TMEM117: variants seen among roughly 807,000 people sequenced by gnomAD.
TMEM117 encodes transmembrane protein 117.
In TMEM117, 27 loss-of-function variants were observed where a neutral mutation model predicts 52.4. That is an observed-to-expected ratio of 0.51 (90% CI 0.38 to 0.71). The LOEUF (loss-of-function observed/expected upper bound fraction) is 0.71, where lower values mean the gene tolerates loss of function less well. TMEM117 is among the 30% of genes least tolerant of loss of function. The pLI is 0.00. For synonymous variants in TMEM117, 215 were observed against 206.3 expected, an observed-to-expected ratio of 1.04 and a Z score of -0.36; for missense variants, 556 against 630.5, an observed-to-expected ratio of 0.88 and a Z score of 1.26.
chr12:44,280,684 A>C (rs1950566514), intron 5 of TMEM117, among the ~76,000 whole-genome samples: 1 of 152,052 alleles, frequency 6.6e-6, no homozygotes, highest in African/African-American at 2.4e-5. Flanking sequence ...TGTCTTTATC[A>C]TGGTGGTTGC....
intron 4 of TMEM117, among the ~76,000 whole-genome samples, chr12:44,182,109 G>T (rs368883248): frequency 0.012 from 1,871 of 152,100 alleles, 26 homozygotes; most frequent in South Asian, 0.061. Flanking sequence ...TTATTCTCTT[G>T]GAAGCAATTG....
chr12:44,095,426 G>A (rs1197652224), intron 3 of TMEM117, among the ~76,000 whole-genome samples: 4 of 152,038 alleles, frequency 2.6e-5, no homozygotes, highest in African/African-American at 9.7e-5. Flanking sequence ...GATTTGAATA[G>A]AAATCTAAAT....
chr12:44,121,775 C>T (rs568105734), intron 3 of TMEM117, among the ~76,000 whole-genome samples: 107 of 152,136 alleles, frequency 7.0e-4, no homozygotes, highest in Admixed American at 2.0e-3. Context: ...TGTGTTGTGG[C>T]AGTTTGGTGT....
At chr12:44,211,813 T>C (rs1175512188) in intron 5 of TMEM117, among the ~76,000 whole-genome samples, 1 of 152,216 alleles carries the variant, frequency 6.6e-6, no homozygotes, top group Non-Finnish European at 1.5e-5. Context: ...GCATTTCTTC[T>C]TTATGTAGTT....
At chr12:44,096,917 G>A (rs1418163873) in intron 3 of TMEM117, among the ~76,000 whole-genome samples, 4 of 151,630 alleles carry the variant, frequency 2.6e-5, no homozygotes, top group African/African-American at 9.7e-5. Flanking sequence ...TACCATCAGA[G>A]TGAACAGGCA....
At chr12:43,805,809 G>A in the TMEM117 span, 2 of 1,367,368 alleles carry the variant, frequency 1.5e-6, no homozygotes, top group South Asian at 2.3e-5. Context: ...TTCTCCTTTG[G>A]ACCATGAAAA....
intron 2 of TMEM117, among the ~76,000 whole-genome samples, chr12:43,940,547 C>CT (rs200692140): frequency 0.011 from 1,636 of 147,376 alleles, 25 homozygotes; most frequent in East Asian, 0.042. Context: ...TTTATATACA[C>CT]TTTTTTTTTT....
At chr12:44,081,907 G>C (rs1372463413) in intron 3 of TMEM117, among the ~76,000 whole-genome samples, 1 of 151,934 alleles carries the variant, frequency 6.6e-6, no homozygotes, top group Non-Finnish European at 1.5e-5. Flanking sequence ...ATTACTATGA[G>C]AGAGAGTTTA....
At chr12:44,143,189 G>C in intron 3 of TMEM117, among the ~76,000 whole-genome samples, 1 of 152,182 alleles carries the variant, frequency 6.6e-6, no homozygotes, top group East Asian at 1.9e-4. Context: ...TTTAGGAAGT[G>C]TTTCTGCTCT....
chr12:44,084,703 A>G (rs1947537718), intron 3 of TMEM117, among the ~76,000 whole-genome samples: 1 of 152,152 alleles, frequency 6.6e-6, no homozygotes, highest in South Asian at 2.1e-4. Context: ...TCAGGCCCCC[A>G]TGCTAAGCCT....
intron 2 of TMEM117, among the ~76,000 whole-genome samples, chr12:43,853,645 C>G (rs1025914485): frequency 6.6e-6 from 1 of 152,136 alleles, no homozygotes; most frequent in African/African-American, 2.4e-5. Flanking sequence ...AAGACATGGT[C>G]TCTGATCTCA....
intron 3 of TMEM117, among the ~76,000 whole-genome samples, chr12:44,090,403 TTTA>T (rs1565823074): frequency 1.1e-3 from 26 of 22,722 alleles, no homozygotes; most frequent in South Asian, 9.5e-3. Context: ...TTACTTTTTA[TTTA>T]TTTATTTATT....
At chr12:43,852,055 T>C (rs1471665627) in intron 2 of TMEM117, among the ~76,000 whole-genome samples, 2 of 150,836 alleles carry the variant, frequency 1.3e-5, no homozygotes, top group Admixed American at 6.6e-5. Context: ...TCCCAGCACT[T>C]TGGGAGGCCG....
chr12:44,249,090 TC>T (rs1950166626), intron 5 of TMEM117: 1 of 152,214 alleles, frequency 6.6e-6, no homozygotes, highest in African/African-American at 2.4e-5. Context: ...GACCCTTTAC[TC>T]ATGGCAGAAG....
intron 3 of TMEM117, among the ~76,000 whole-genome samples, chr12:44,077,091 G>C (rs1947394402): frequency 6.6e-6 from 1 of 152,138 alleles, no homozygotes; most frequent in Admixed American, 6.6e-5. Context: ...ACAAGTTCCT[G>C]GGGAGTTAAC....
chr12:44,309,793 CAG>C (rs1950950932), intron 6 of TMEM117, among the ~76,000 whole-genome samples: 1 of 136,344 alleles, frequency 7.3e-6, no homozygotes, highest in Non-Finnish European at 1.6e-5. Context: ...AAAAAAAAAA[CAG>C]ATCTGTCTGA....
rs116905057 is a variant in TMEM117, at chr12:44,337,700, A to G, written c.768+37961A>G. On this transcript the variant is annotated intron_variant, in intron 6 of 7. Coordinates refer to ENST00000266534, the MANE Select transcript of TMEM117 (RefSeq NM_032256.3). ...AGATGAGGATAACCAACCTTGAAAG[A>G]GCTCCTTGGGGGTTAGTGTGACGGC... is the stretch of plus-strand genomic sequence containing the variant. Among the ~76,000 whole-genome samples the G allele has an allele frequency of 1.1e-4, 17 of 152,184 alleles. No homozygotes were observed. The East Asian group carries it at 3.3e-3, about 29-fold the overall frequency.
At chr12:44,149,853 T>A (rs1377972140) in intron 4 of TMEM117, among the ~76,000 whole-genome samples, 1 of 152,162 alleles carries the variant, frequency 6.6e-6, no homozygotes, top group Non-Finnish European at 1.5e-5. Flanking sequence ...GCACTTGAAA[T>A]AAAGTAGCAA....
chr12:44,352,631 T>A (rs1484521306), intron 6 of TMEM117, among the ~76,000 whole-genome samples: 2 of 152,152 alleles, frequency 1.3e-5, no homozygotes, highest in African/African-American at 4.8e-5. Context: ...GAACTCATCA[T>A]TTTTTATGGC....
Sources: gnomAD v4.1 joint callset for allele counts (sites outside exome capture counted in the v4.1 genomes callset) on GRCh38, gnomAD v4.1.1 for gene constraint, MANE v1.5 for transcripts, NCBI Gene and HGNC (gene_info 2026-07-23, HGNC 2026-07-21) for gene names.